Variants in MPP7 observed in about 807,000 individuals in gnomAD.
MPP7 encodes the protein MAGUK p55 scaffold protein 7, also known as MAGUK p55 subfamily member 7.
A neutral mutation model predicts 76.5 loss-of-function variants in MPP7; 60 were observed. That is an observed-to-expected ratio of 0.78 (90% CI 0.64 to 0.97). MPP7 has a LOEUF of 0.97. Among genes scored for constraint, MPP7 ranks in the 50% least tolerant of loss-of-function variants. The pLI is 0.00. For missense variants in MPP7, 641 were observed against 694.0 expected (o/e 0.92, Z 0.86); for synonymous variants, 237 against 244.5 (o/e 0.97, Z 0.29).
chr10:28,084,287 A>T (rs1852902256), intron 12 of MPP7, among the ~76,000 whole-genome samples: 1 of 152,236 alleles, frequency 6.6e-6, no homozygotes. Flanking sequence ...ATTCACAATC[A>T]CTAACCAAAG....
At chr10:28,298,837 A>G (rs952236373) in intron 1 of MPP7, among the ~76,000 whole-genome samples, 9 of 152,348 alleles carry the variant, frequency 5.9e-5, no homozygotes, top group African/African-American at 1.9e-4. Flanking sequence ...TACAGCTTCT[A>G]TATCAGCATT....
In MPP7 at chr10:28,134,605, T is replaced by C. The variant is rs139817585; in HGVS notation, c.316-2914A>G. Among the ~76,000 whole-genome samples the C allele has an allele frequency of 1.2e-3, 177 of 152,222 alleles. 1 individual carries two copies. The highest frequency in any genetic ancestry group is 2.2e-3 in the Non-Finnish European group (149 of 67,998). ...GAAGAAATAAACAACATCAAGATGA[T>C]AAAATACCTGAGAAGATAATGGCTG... On this transcript the variant is annotated intron_variant, in intron 5 of 16. Coordinates refer to ENST00000683449, the MANE Select transcript of MPP7 (RefSeq NM_001318170.2).
At chr10:28,131,452 A>G in intron 6 of MPP7, 108 bp downstream of exon 6, 2 of 979,714 alleles carry the variant, frequency 2.0e-6, no homozygotes, top group South Asian at 3.0e-5. Context: ...CATTTCTTTT[A>G]AAGTTTAAGA....
In MPP7 at chr10:28,054,222, A is replaced by G; in HGVS notation, c.1574T>C (p.Ile525Thr). Residue 525 changes from isoleucine (I) to threonine (T), a missense_variant, in exon 17 of 17, where the codon ATT (isoleucine) becomes ACT (threonine). Coordinates refer to ENST00000683449, the MANE Select transcript of MPP7 (RefSeq NM_001318170.2). ...ACTTTCCATTATCTGTGCAGATTTA[A>G]TCATTTCTTGAAAATCTTCTTCCTA... ...PFTEEDFQEM[I>T]KSAQIMESQY... The G allele has an allele frequency of 1.3e-6, 2 of 1,572,962 alleles. No homozygotes were observed. Among genetic ancestry groups the G allele is most frequent in the Non-Finnish European group, 1.7e-6 (2 of 1,157,276 alleles).
intron 11 of MPP7, among the ~76,000 whole-genome samples, chr10:28,099,252 G>A (rs1022761731): frequency 1.1e-4 from 17 of 152,130 alleles, no homozygotes. Context: ...GTGGGACTTG[G>A]CTTTCTGTTA....
At chr10:28,125,929 G>C (rs1271884218) in intron 6 of MPP7, among the ~76,000 whole-genome samples, 1 of 152,196 alleles carries the variant, frequency 6.6e-6, no homozygotes, top group African/African-American at 2.4e-5. Flanking sequence ...TTAAGAATCT[G>C]GCATTGGTTT....
intron 12 of MPP7, among the ~76,000 whole-genome samples, chr10:28,082,908 T>G (rs1852829967): frequency 6.6e-6 from 1 of 152,200 alleles, no homozygotes; most frequent in African/African-American, 2.4e-5. Context: ...TAAATATTTC[T>G]TATTAAAACC....
At chr10:28,275,462 A>G (rs987956530) in intron 1 of MPP7, among the ~76,000 whole-genome samples, 2 of 150,330 alleles carry the variant, frequency 1.3e-5, no homozygotes, top group Non-Finnish European at 2.9e-5. Context: ...GCTGGAGTGC[A>G]ATGGCGCAAT....
chr10:28,316,933 G>A (rs1834325246), intron 2 of MPP7, among the ~76,000 whole-genome samples: 1 of 152,134 alleles, frequency 6.6e-6, no homozygotes. Flanking sequence ...AGGAGTCTGA[G>A]CCTGGATCTG....
At chr10:28,193,950 C>G (rs1303479806) in intron 3 of MPP7, among the ~76,000 whole-genome samples, 3 of 151,490 alleles carry the variant, frequency 2.0e-5, no homozygotes, top group African/African-American at 7.3e-5. Context: ...TCACTCATTG[C>G]TGGTAGGAAT....
intron 2 of MPP7, among the ~76,000 whole-genome samples, chr10:28,215,487 G>A (rs1838280275): frequency 6.6e-6 from 1 of 152,286 alleles, no homozygotes; most frequent in Non-Finnish European, 1.5e-5. Context: ...ATAAGAGAGA[G>A]AGATGTGAAC....
intron 12 of MPP7, among the ~76,000 whole-genome samples, chr10:28,077,551 T>G (rs993474167): frequency 2.0e-5 from 3 of 152,180 alleles, no homozygotes; most frequent in African/African-American, 7.2e-5. Context: ...CCGTATCCTC[T>G]TTCTAGGGTT....
intron 16 of MPP7, 111 bp downstream of exon 16, chr10:28,056,369 G>T: frequency 8.8e-7 from 1 of 1,130,466 alleles, no homozygotes; most frequent in Non-Finnish European, 1.3e-6. Context: ...ACCTTGGCCA[G>T]GCTGGTCTTG....
At position 28,298,510 on chromosome 10, in the gene MPP7, C is replaced by T. The variant is rs555359268; in HGVS notation, c.-132+4351G>A. ...TGAGCTTAACAGATTCAGTAAACCA[C>T]GCCATAAACAGATGTACTGTCATCC... is the stretch of plus-strand genomic sequence containing the variant. On this transcript the variant is annotated intron_variant, in intron 1 of 16. Coordinates refer to ENST00000683449, the MANE Select transcript of MPP7 (RefSeq NM_001318170.2). Among the ~76,000 whole-genome samples the T allele has an allele frequency of 3.9e-5, 6 of 152,310 alleles. No individual in the cohort carries two copies. In the East Asian group the frequency reaches 7.7e-4, roughly 20 times the overall value.
intron 3 of MPP7, among the ~76,000 whole-genome samples, chr10:28,156,515 T>C (rs1836067629): frequency 6.6e-6 from 1 of 152,168 alleles, no homozygotes. Context: ...CCATCTCTAT[T>C]GACATTTCTT....
intron 3 of MPP7, among the ~76,000 whole-genome samples, chr10:28,186,362 GAA>G (rs1266895937): frequency 2.0e-5 from 3 of 148,618 alleles, no homozygotes; most frequent in African/African-American, 4.9e-5. Flanking sequence ...AAAAAAAAGA[GAA>G]AGAAAGAGAG....
intron 1 of MPP7, among the ~76,000 whole-genome samples, chr10:28,242,774 T>C (rs975827507): frequency 6.6e-6 from 1 of 152,150 alleles, no homozygotes; most frequent in Non-Finnish European, 1.5e-5. Context: ...TGGCACCAAA[T>C]TGAAACTATT....
At chr10:28,305,339 G>A (rs774225276), upstream of MPP7, 6 of 152,146 alleles carry the variant, frequency 3.9e-5, no homozygotes, top group Non-Finnish European at 7.3e-5. Flanking sequence ...GATTCCTGAC[G>A]GGCAACATCG....
At chr10:28,310,070 C>T (rs866371378) in intron 2 of MPP7, among the ~76,000 whole-genome samples, 3 of 147,654 alleles carry the variant, frequency 2.0e-5, no homozygotes, top group Non-Finnish European at 4.4e-5. Flanking sequence ...AGCACAATCT[C>T]GGCTCACTGC....
Sources: gnomAD v4.1 joint callset for allele counts (sites outside exome capture counted in the v4.1 genomes callset) on GRCh38, gnomAD v4.1.1 for gene constraint, MANE v1.5 for transcripts, NCBI Gene and HGNC (gene_info 2026-07-23, HGNC 2026-07-21) for gene names.